The following SH3KBP1 variants were observed in gnomAD, a reference collection of about 807,000 sequenced individuals.
SH3KBP1 encodes the protein SH3 domain containing kinase binding protein 1.
A neutral mutation model predicts 50.1 loss-of-function variants in SH3KBP1; 8 were observed. The observed-to-expected ratio is 0.16, with a 90% CI of 0.09 to 0.29. The LOEUF is 0.29. Among genes scored for constraint, SH3KBP1 ranks in the 10% least tolerant of loss-of-function variants. The probability of loss-of-function intolerance (pLI) is 1.00; values close to 1 mark genes in which losing one functional copy is unlikely to be tolerated. For synonymous variants in SH3KBP1, 227 were observed against 218.6 expected (o/e 1.04, Z -0.34); for missense variants, 377 against 535.2 (o/e 0.70, Z 2.92).
chrX:19,749,016 C>G (rs1003063190), intron 2 of SH3KBP1, among the ~76,000 whole-genome samples: 7 of 112,407 alleles, frequency 6.2e-5, no homozygotes, highest in African/African-American at 2.3e-4. Context: ...AGAAAACATA[C>G]AAGTGGCTAA....
intron 4 of SH3KBP1, among the ~76,000 whole-genome samples, chrX:19,696,220 T>C (rs770097517): frequency 1.8e-4 from 20 of 112,273 alleles, no homozygotes; most frequent in Admixed American, 3.8e-4. Context: ...AGGATACCCA[T>C]AGATTACTAT....
chrX:19,769,276 T>C (rs766913810), intron 2 of SH3KBP1, among the ~76,000 whole-genome samples: 1 of 67,404 alleles, frequency 1.5e-5, no homozygotes, highest in East Asian at 3.6e-4. Context: ...TTCTTTTTCT[T>C]TTTTTTTCGT....
intron 6 of SH3KBP1, among the ~76,000 whole-genome samples, chrX:19,668,974 A>ATATATATATATT (rs1491195501): frequency 1.3e-4 from 8 of 63,895 alleles, no homozygotes; most frequent in Non-Finnish European, 2.1e-4. Context: ...ATATATATAT[A>ATATATATATATT]TTTTTTGAGA....
chrX:19,537,463 G>GAAAAAAAA (rs367732402), intron 17 of SH3KBP1, among the ~76,000 whole-genome samples: 1 of 66,719 alleles, frequency 1.5e-5, no homozygotes, highest in African/African-American at 4.7e-5. Flanking sequence ...GTCTCAAAAA[G>GAAAAAAAA]AAAAAAAAAA....
At chrX:19,636,473 T>A (rs1019864368) in intron 7 of SH3KBP1, among the ~76,000 whole-genome samples, 2 of 111,537 alleles carry the variant, frequency 1.8e-5, no homozygotes, top group African/African-American at 6.5e-5. Flanking sequence ...GTACTAATTA[T>A]TGGCTTTCAA....
At chrX:19,780,058 A>C (rs2147109038) in intron 2 of SH3KBP1, among the ~76,000 whole-genome samples, 1 of 109,568 alleles carries the variant, frequency 9.1e-6, no homozygotes, top group Non-Finnish European at 1.9e-5. Flanking sequence ...AGTCCCACCA[A>C]CAGTGTAAAA....
At chrX:19,625,243 A>G (rs1471796891) in intron 8 of SH3KBP1, among the ~76,000 whole-genome samples, 1 of 111,388 alleles carries the variant, frequency 9.0e-6, no homozygotes, top group Non-Finnish European at 1.9e-5. Context: ...AATGGGAGGG[A>G]GGCAGGAAGG....
At chrX:19,714,739 A>G in intron 3 of SH3KBP1, among the ~76,000 whole-genome samples, 1 of 112,385 alleles carries the variant, frequency 8.9e-6, no homozygotes, top group Non-Finnish European at 1.9e-5. Flanking sequence ...TATGACAACT[A>G]AATATAATGT....
intron 13 of SH3KBP1, among the ~76,000 whole-genome samples, chrX:19,561,431 T>A (rs1199591247): frequency 4.5e-5 from 5 of 111,082 alleles, no homozygotes; most frequent in African/African-American, 1.6e-4. Flanking sequence ...TTACAAGTAA[T>A]CCTATCTCTA....
intron 2 of SH3KBP1, among the ~76,000 whole-genome samples, chrX:19,831,864 T>C (rs986434212): frequency 5.7e-4 from 61 of 107,234 alleles, no homozygotes; most frequent in Non-Finnish European, 1.0e-3. Context: ...TTACACTACA[T>C]AGGACATGCA....
intron 13 of SH3KBP1, among the ~76,000 whole-genome samples, chrX:19,568,206 C>T (rs2065907140): frequency 9.0e-6 from 1 of 111,447 alleles, no homozygotes; most frequent in Non-Finnish European, 1.9e-5. Context: ...ACAATAGCAT[C>T]TCTATAGTCA....
intron 1 of SH3KBP1, among the ~76,000 whole-genome samples, chrX:19,845,025 G>A (rs967741818): frequency 4.5e-5 from 5 of 111,720 alleles, no homozygotes; most frequent in Middle Eastern, 4.7e-3. Context: ...GTTGCAGTGA[G>A]CCAAGACGGC....
chrX:19,759,642 T>C (rs1603207902), intron 2 of SH3KBP1, among the ~76,000 whole-genome samples: 1 of 111,413 alleles, frequency 9.0e-6, no homozygotes, highest in African/African-American at 3.3e-5. Flanking sequence ...TGTAGGGAGC[T>C]ATGCAAATTT....
chrX:19,700,824 T>C (rs1448761575), intron 4 of SH3KBP1, among the ~76,000 whole-genome samples: 1 of 111,943 alleles, frequency 8.9e-6, no homozygotes, highest in Non-Finnish European at 1.9e-5. Context: ...CCCTAATTCT[T>C]GTGTAGTTCA....
intron 13 of SH3KBP1, among the ~76,000 whole-genome samples, chrX:19,559,693 A>G (rs73193548): frequency 0.026 from 2,858 of 111,343 alleles, 40 homozygotes; most frequent in Non-Finnish European, 0.042. Context: ...ATTATATACC[A>G]AAAACCAGAC....
chrX:19,714,245 A>G (rs1271192310), intron 3 of SH3KBP1, among the ~76,000 whole-genome samples: 1 of 111,993 alleles, frequency 8.9e-6, no homozygotes, highest in Non-Finnish European at 1.9e-5. Flanking sequence ...GGTACAAAAA[A>G]CATAGTTAGA....
intron 12 of SH3KBP1, among the ~76,000 whole-genome samples, chrX:19,585,985 C>T (rs1171376513): frequency 8.9e-6 from 1 of 112,070 alleles, no homozygotes. Flanking sequence ...TGGGGGCTGA[C>T]CACCCTCTCC....
At chrX:19,759,412 C>T (rs967079663) in intron 2 of SH3KBP1, among the ~76,000 whole-genome samples, 1 of 111,879 alleles carries the variant, frequency 8.9e-6, no homozygotes, top group African/African-American at 3.3e-5. Context: ...CGAGGGCCAA[C>T]GATTTCAAAG....
intron 2 of SH3KBP1, among the ~76,000 whole-genome samples, chrX:19,795,743 T>C (rs2066690408): frequency 8.9e-6 from 1 of 112,112 alleles, no homozygotes; most frequent in South Asian, 3.7e-4. Context: ...CAGTTTCTGT[T>C]GTACTTCATG....
Sources: gnomAD v4.1 joint callset for allele counts (sites outside exome capture counted in the v4.1 genomes callset) on GRCh38, gnomAD v4.1.1 for gene constraint, MANE v1.5 for transcripts, NCBI Gene and HGNC (gene_info 2026-07-23, HGNC 2026-07-21) for gene names.